Variants in SLC25A21 observed in about 807,000 individuals in gnomAD.
The protein encoded by SLC25A21 is solute carrier family 25 member 21, also known as mitochondrial 2-oxodicarboxylate carrier.
A neutral mutation model predicts 43.8 loss-of-function variants in SLC25A21; 47 were observed. That is an observed-to-expected ratio of 1.07 (90% confidence interval 0.85 to 1.37). SLC25A21 has a LOEUF of 1.37. SLC25A21 is among the 40% of genes most tolerant of loss of function. The pLI, the probability that SLC25A21 is intolerant of heterozygous loss-of-function variation, is 0.00. For missense variants in SLC25A21, 352 were observed against 350.2 expected, an observed-to-expected ratio of 1.00 and a Z score of -0.04; for synonymous variants, 131 against 121.3, an observed-to-expected ratio of 1.08 and a Z score of -0.52.
At chr14:37,123,554 T>C (rs993907418) in intron 1 of SLC25A21, among the ~76,000 whole-genome samples, 10 of 152,176 alleles carry the variant, frequency 6.6e-5, no homozygotes, top group Admixed American at 1.3e-4. Flanking sequence ...AACAATCATA[T>C]AGCCAACAAG....
In SLC25A21 at chr14:36,684,756, T is replaced by C. The variant is rs755022802; in HGVS notation, c.773A>G (p.Tyr258Cys). 2.5e-6 allele frequency: 4 copies of C among 1,606,880 alleles called. No individual in the cohort carries two copies. The highest frequency in any genetic ancestry group is 1.3e-5 in the African/African-American group (1 of 74,666). The change falls in exon 8 of 10, where the codon TAT (tyrosine) becomes TGT (cysteine). Residue 258 changes from tyrosine to cysteine, a missense_variant. Physicochemically the swap from Tyr to Cys is radical, Grantham distance 194 (BLOSUM62 -2). Coordinates refer to ENST00000331299, the MANE Select transcript of SLC25A21 (RefSeq NM_030631.4). Reference protein sequence around the residue: ...RTCFKTMATVYQEEGILALYK... With the variant: ...RTCFKTMATVCQEEGILALYK... ...TGTGTTATGTTACCCTTCTTCCTGA[T>C]AGACTGTTGCCATTGTTTTAAAACA...
At chr14:37,029,896 C>T (rs1566827191) in intron 1 of SLC25A21, among the ~76,000 whole-genome samples, 2 of 151,324 alleles carry the variant, frequency 1.3e-5, no homozygotes, top group South Asian at 2.1e-4. Flanking sequence ...TCCCAAGTAG[C>T]GGGGATTACA....
intron 2 of SLC25A21, among the ~76,000 whole-genome samples, chr14:36,823,297 C>T (rs1888701213): frequency 6.6e-6 from 1 of 152,098 alleles, no homozygotes; most frequent in Non-Finnish European, 1.5e-5. Context: ...ATGCTCCAAG[C>T]ATAAACTGGT....
At chr14:37,125,300 G>A in intron 1 of SLC25A21, among the ~76,000 whole-genome samples, 1 of 152,182 alleles carries the variant, frequency 6.6e-6, no homozygotes, top group East Asian at 1.9e-4. Context: ...ATAGAATGGA[G>A]TGATACTTCG....
At chr14:36,874,772 A>G (rs1393762660) in intron 2 of SLC25A21, among the ~76,000 whole-genome samples, 184 bp downstream of exon 2, 1 of 152,210 alleles carries the variant, frequency 6.6e-6, no homozygotes, top group East Asian at 1.9e-4. Flanking sequence ...GATGACCTTC[A>G]CCCAGAAATG....
At chr14:36,964,707 C>T (rs1399394278) in intron 1 of SLC25A21, among the ~76,000 whole-genome samples, 1 of 152,160 alleles carries the variant, frequency 6.6e-6, no homozygotes, top group East Asian at 1.9e-4. Context: ...TAAGTAGAAT[C>T]AGGGCCTGCA....
At chr14:37,131,629 C>A (rs947457429) in intron 1 of SLC25A21, among the ~76,000 whole-genome samples, 1 of 152,126 alleles carries the variant, frequency 6.6e-6, no homozygotes, top group African/African-American at 2.4e-5. Flanking sequence ...AAGGACTAAA[C>A]ACCTATATTA....
At chr14:36,865,699 C>A (rs78539158) in intron 2 of SLC25A21, among the ~76,000 whole-genome samples, 2,761 of 152,224 alleles carry the variant, frequency 0.018, 89 homozygotes, top group African/African-American at 0.061. Context: ...TCTGGGTTCG[C>A]TGCATAAGAA....
intron 1 of SLC25A21, among the ~76,000 whole-genome samples, chr14:37,141,688 TTTTG>T (rs1963573136): frequency 1.3e-5 from 2 of 152,224 alleles, no homozygotes; most frequent in Admixed American, 1.3e-4. Flanking sequence ...AATCAGTTAA[TTTTG>T]TTTTTCTTTA....
chr14:36,915,671 C>T (rs970191073), intron 1 of SLC25A21, among the ~76,000 whole-genome samples: 48 of 152,098 alleles, frequency 3.2e-4, no homozygotes, highest in African/African-American at 1.0e-3. Flanking sequence ...TATTGAGGTT[C>T]CTGCTGTGAC....
intron 3 of SLC25A21, among the ~76,000 whole-genome samples, chr14:36,787,365 A>G (rs1428184049): frequency 6.6e-6 from 1 of 152,184 alleles, no homozygotes. Context: ...TGTCATCTTT[A>G]ATTTTCCTTT....
At chr14:36,690,757 C>T (rs1392066692) in intron 7 of SLC25A21, among the ~76,000 whole-genome samples, 1 of 152,088 alleles carries the variant, frequency 6.6e-6, no homozygotes, top group Non-Finnish European at 1.5e-5. Context: ...CCTGGGATTT[C>T]ACTATCTGAG....
chr14:36,764,079 A>AGAAAGAAGGAAGGAAG (rs1555326615), intron 3 of SLC25A21, among the ~76,000 whole-genome samples: 9 of 41,868 alleles, frequency 2.1e-4, no homozygotes, highest in African/African-American at 1.4e-3. Flanking sequence ...AAAGAAAGAA[A>AGAAAGAAGGAAGGAAG]GAAGGAAGGA....
chr14:36,804,555 C>T (rs1041917577), intron 3 of SLC25A21, among the ~76,000 whole-genome samples: 1 of 152,096 alleles, frequency 6.6e-6, no homozygotes, highest in East Asian at 1.9e-4. Flanking sequence ...GTTTCACAAA[C>T]GATAAAGGAC....
intron 1 of SLC25A21, among the ~76,000 whole-genome samples, chr14:37,061,052 T>C (rs774985329): frequency 2.0e-5 from 3 of 152,086 alleles, no homozygotes; most frequent in Non-Finnish European, 4.4e-5. Flanking sequence ...GAAAAAGCCC[T>C]CTCCCTGCAG....
At chr14:37,171,122 AGGG>A in intron 1 of SLC25A21, among the ~76,000 whole-genome samples, 1 of 1,404 alleles carries the variant, frequency 7.1e-4, no homozygotes, top group Non-Finnish European at 1.5e-3. Context: ...GGGGGAGGGG[AGGG>A]GAGGGGAGGG....
chr14:36,752,407 C>T (rs1885743896), intron 3 of SLC25A21, among the ~76,000 whole-genome samples: 1 of 152,128 alleles, frequency 6.6e-6, no homozygotes, highest in African/African-American at 2.4e-5. Flanking sequence ...TATATACCCA[C>T]AAGAAGTGAA....
At chr14:36,822,621 G>A (rs1888675529) in intron 2 of SLC25A21, among the ~76,000 whole-genome samples, 1 of 152,164 alleles carries the variant, frequency 6.6e-6, no homozygotes, top group Non-Finnish European at 1.5e-5. Context: ...CACAGATAAA[G>A]TAACAACATC....
intron 1 of SLC25A21, among the ~76,000 whole-genome samples, chr14:36,982,168 G>T (rs912962347): frequency 1.1e-4 from 17 of 152,160 alleles, no homozygotes; most frequent in African/African-American, 3.9e-4. Flanking sequence ...TTATAGAACA[G>T]ATTTCAGAAT....
Sources: allele counts gnomAD v4.1 joint callset (sites outside exome capture counted in the v4.1 genomes callset), GRCh38; gene constraint gnomAD v4.1.1; transcripts MANE v1.5; gene names NCBI Gene and HGNC (gene_info 2026-07-23, HGNC 2026-07-21).